Variants in ZNF324B observed in about 807,000 individuals in gnomAD.
ZNF324B encodes zinc finger protein 324B.
Under a neutral mutation model 10.6 loss-of-function variants are expected in ZNF324B, and 7 were observed. The observed-to-expected ratio is 0.66, with a 90% confidence interval of 0.38 to 1.24. ZNF324B has a LOEUF of 1.24. Among genes scored for constraint, ZNF324B ranks in the 50% most tolerant of loss-of-function variants. ZNF324B has a pLI of 0.02. For missense variants in ZNF324B, 640 were observed against 764.7 expected, an observed-to-expected ratio of 0.84 and a Z score of 1.92; for synonymous variants, 316 against 321.0, an observed-to-expected ratio of 0.98 and a Z score of 0.17.
the ZNF324B span, chr19:58,440,960 A>G: frequency 0.16 from 24,980 of 152,390 alleles, 6,620 homozygotes; most frequent in African/African-American, 0.56. Context: ...TATCTGCCCC[A>G]GGTCCTCTGC....
At chr19:58,448,979 A>G (rs2052839137), upstream of ZNF324B, among the ~76,000 whole-genome samples, 1 of 152,268 alleles carries the variant, frequency 6.6e-6, no homozygotes, top group Non-Finnish European at 1.5e-5. Context: ...AAATATCTCC[A>G]GGACATGTCA....
Position 58,451,713 on chromosome 19 carries a change from C to T in ZNF324B, c.-7+9C>T, listed in dbSNP as rs1239144972. On this transcript the variant is annotated intron_variant, in intron 1 of 3. Coordinates refer to ENST00000336614, the MANE Select transcript of ZNF324B (RefSeq NM_207395.3). ...GGCGGGCGGCCAGGAAGGTACGGAC[C>T]ACGAGCAGCCGGCCGCGCCCCCAAG... 1 of 468,038 alleles carries T rather than the reference C, an allele frequency of 2.1e-6. No individual in the cohort carries two copies. The highest frequency in any genetic ancestry group is 4.2e-6 in the Non-Finnish European group (1 of 239,106). The allele number at this position is 468,038 out of a possible 1,614,324, so 29.0% of individuals were successfully genotyped here. A position where few individuals can be genotyped will look rare whatever the true frequency, so the allele number is the denominator to read the frequency against.
At chr19:58,420,469 C>G in the ZNF324B span, among the ~76,000 whole-genome samples, 1 of 151,744 alleles carries the variant, frequency 6.6e-6, no homozygotes, top group African/African-American at 2.4e-5. Context: ...CGGCTCATGC[C>G]TGTAATGCCA....
At chr19:58,437,777 C>CA in the ZNF324B span, 1 of 985,446 alleles carries the variant, frequency 1.0e-6, no homozygotes, top group Admixed American at 6.1e-5. Context: ...TACAGAGCTC[C>CA]AAAAACCCCA....
the ZNF324B span, among the ~76,000 whole-genome samples, chr19:58,426,486 AT>A: frequency 6.6e-6 from 1 of 152,174 alleles, no homozygotes; most frequent in African/African-American, 2.4e-5. Context: ...TGTGCCCCAG[AT>A]CGCACAATTT....
chr19:58,433,491 T>C, the ZNF324B span: 2 of 1,614,180 alleles, frequency 1.2e-6, no homozygotes, highest in South Asian at 2.2e-5. Flanking sequence ...AGGGCCTTTC[T>C]TGTGTGTGAA....
At chr19:58,420,060 T>C in the ZNF324B span, among the ~76,000 whole-genome samples, 887 of 152,264 alleles carry the variant, frequency 5.8e-3, 12 homozygotes, top group African/African-American at 0.021. Flanking sequence ...GGTGGGCAGA[T>C]CACTTTAGGT....
chr19:58,450,035 G>T (rs115055787), upstream of ZNF324B, among the ~76,000 whole-genome samples: 1,371 of 152,182 alleles, frequency 9.0e-3, 24 homozygotes, highest in African/African-American at 0.031. Context: ...TGTGGAAGGG[G>T]CCCCAGTTAG....
the ZNF324B span, among the ~76,000 whole-genome samples, chr19:58,421,063 ATGGG>A: frequency 6.6e-6 from 1 of 151,172 alleles, no homozygotes; most frequent in Non-Finnish European, 1.5e-5. Flanking sequence ...GGGCTAGAAA[ATGGG>A]TGGTAACTTC....
At chr19:58,433,421 T>C in the ZNF324B span, 4 of 1,614,186 alleles carry the variant, frequency 2.5e-6, no homozygotes, top group South Asian at 1.1e-5. Flanking sequence ...GTGTGAACTT[T>C]CTGGTGCCGA....
chr19:58,455,146 A>T lies in ZNF324B; in HGVS notation c.239-37A>T. On this transcript the variant is annotated intron_variant, in intron 3 of 3. Transcript: ENST00000336614. This position sits in a 1 kb window ranked among gnomAD's most constrained non-coding sequence, Gnocchi z 7.0. ...AGCCTGCCCTGGTCCTCTCCTAACC[A>T]GGATGCCCCAGGCAACCACCGTTTC... 6.2e-7 allele frequency: 1 copy of T among 1,612,978 alleles called. No individual in the cohort carries two copies.
At chr19:58,427,450 T>TTCCC in the ZNF324B span, among the ~76,000 whole-genome samples, 5 of 55,148 alleles carry the variant, frequency 9.1e-5, no homozygotes, top group East Asian at 5.4e-4. Flanking sequence ...TTCCTTTCCT[T>TTCCC]TCCCTTCCTT....
the ZNF324B span, among the ~76,000 whole-genome samples, chr19:58,431,905 T>C: frequency 6.6e-6 from 1 of 151,884 alleles, no homozygotes; most frequent in African/African-American, 2.4e-5. Context: ...GGCAGGAGAA[T>C]GGCGTGAGCC....
the ZNF324B span, chr19:58,439,644 G>T: frequency 8.5e-7 from 1 of 1,174,088 alleles, no homozygotes; most frequent in Non-Finnish European, 1.2e-6. Flanking sequence ...GGACCCACGT[G>T]TGAGGACAGG....
At position 58,456,723 on chromosome 19, in the gene ZNF324B, C is replaced by G; in HGVS notation, c.*144C>G. On this transcript the variant is annotated 3_prime_UTR_variant, in exon 4 of 4. Coordinates refer to ENST00000336614, the MANE Select transcript of ZNF324B (RefSeq NM_207395.3). The surrounding 1 kb of genome is among the most constrained non-coding windows in gnomAD (Gnocchi z 4.7). ...CGAGGGAGACCCTTTGGCTGTGGTT[C>G]CATTTGCAGGTGGGGACAGGATTTG... 1 of 1,081,322 alleles carries G rather than the reference C, an allele frequency of 9.2e-7. No individual in the cohort carries two copies. Among genetic ancestry groups the G allele is most frequent in the Non-Finnish European group, 1.3e-6 (1 of 771,668 alleles). 67.0% of individuals were successfully genotyped at this position (1,081,322 alleles called of 1,614,324 possible).
At chr19:58,433,442 A>C in the ZNF324B span, 1 of 1,614,020 alleles carries the variant, frequency 6.2e-7, no homozygotes, top group Non-Finnish European at 8.5e-7. Flanking sequence ...ACAAGTGTAG[A>C]TCTTTCACTA....
the ZNF324B span, chr19:58,434,137 C>T: frequency 6.2e-7 from 1 of 1,614,178 alleles, no homozygotes; most frequent in Non-Finnish European, 8.5e-7. Flanking sequence ...AGCTCTTCCA[C>T]ATTCACTGCA....
the ZNF324B span, chr19:58,440,256 A>C: frequency 1.3e-5 from 3 of 229,430 alleles, no homozygotes; most frequent in Non-Finnish European, 2.6e-5. Flanking sequence ...CTATTTCCCT[A>C]TGCCCGTCAC....
At chr19:58,437,274 C>T in the ZNF324B span, 12 of 1,517,826 alleles carry the variant, frequency 7.9e-6, no homozygotes, top group Admixed American at 2.2e-4. Flanking sequence ...CTGTGTGACT[C>T]AGAATCCTGA....
Sources: allele counts gnomAD v4.1 joint callset (sites outside exome capture counted in the v4.1 genomes callset), GRCh38; gene constraint gnomAD v4.1.1; non-coding constraint Gnocchi (gnomAD v3.1); transcripts MANE v1.5; gene names NCBI Gene and HGNC (gene_info 2026-07-23, HGNC 2026-07-21).